The following INSL6 variants were observed in gnomAD, a reference collection of about 807,000 sequenced individuals.
The protein encoded by INSL6 is insulin like 6.
In INSL6, 16 loss-of-function variants were observed where a neutral mutation model predicts 9.4. The observed-to-expected ratio is 1.70, with a 90% CI of 1.15 to 2.59. The LOEUF (loss-of-function observed/expected upper bound fraction) is 2.59, where lower values mean the gene tolerates loss of function less well. Ranked by LOEUF, INSL6 falls within the 30% of genes most tolerant of loss-of-function variation. The pLI, the probability that INSL6 is intolerant of heterozygous loss-of-function variation, is 0.00. For missense variants in INSL6, 391 were observed against 257.3 expected (o/e 1.52, Z -3.56); for synonymous variants, 154 against 96.9 (o/e 1.59, Z -3.46).
At chr9:5,175,081 A>G (rs1329624905) in intron 1 of INSL6, among the ~76,000 whole-genome samples, 1 of 151,988 alleles carries the variant, frequency 6.6e-6, no homozygotes, top group African/African-American at 2.4e-5. Context: ...CTGGGACTAC[A>G]GGTGCCCACC....
rs1825323052 is a variant in INSL6, at chr9:5,176,981, C to T, written c.289+8333G>A. On this transcript the variant is annotated intron_variant, in intron 1 of 1. Coordinates refer to ENST00000381641, the MANE Select transcript of INSL6 (RefSeq NM_007179.3). ...TTAACCAATGATACTGTAAAAGTTT[C>T]CATAAAGAAAACTTTAAAATCATAA... Among the ~76,000 whole-genome samples, 9 of 152,096 alleles carry T rather than the reference C, an allele frequency of 5.9e-5. No individual in the cohort carries two copies. In the South Asian group the frequency reaches 1.9e-3, roughly 32 times the overall value.
chr9:5,088,168 C>CAG, the INSL6 span, among the ~76,000 whole-genome samples: 1,534 of 152,256 alleles, frequency 0.01, 17 homozygotes, highest in African/African-American at 0.035. Context: ...TCCGCGGTCA[C>CAG]AGAGAGAGCA....
chr9:5,003,701 T>A, the INSL6 span, among the ~76,000 whole-genome samples: 1 of 152,110 alleles, frequency 6.6e-6, no homozygotes, highest in Non-Finnish European at 1.5e-5. Flanking sequence ...TTATTTAGTT[T>A]TCTTGCCTTA....
intron 1 of INSL6, among the ~76,000 whole-genome samples, chr9:5,176,450 TC>T (rs1418044680): frequency 1.3e-5 from 2 of 152,322 alleles, no homozygotes; most frequent in Non-Finnish European, 2.9e-5. Flanking sequence ...ACTGACATAT[TC>T]CCAAGATTCT....
the INSL6 span, among the ~76,000 whole-genome samples, chr9:5,003,738 GT>G: frequency 6.6e-6 from 1 of 152,056 alleles, no homozygotes; most frequent in East Asian, 1.9e-4. Flanking sequence ...GTCCACTATG[GT>G]ATTGAATAGA....
Position 5,148,746 on chromosome 9 carries a change from G to A in INSL6, c.377-15154C>T, listed in dbSNP as rs1366765058. 2.6e-5 allele frequency among the ~76,000 whole-genome samples: 4 copies of A among 152,284 alleles called. No individual in the cohort carries two copies. The East Asian group carries it at 7.7e-4, about 29-fold the overall frequency. ...CCTGGGGCACCAGGACCTGCTCGTG[G>A]CTCCCTTTTCCAGACATTTGGGGTT... On this transcript the variant is annotated intron_variant, in intron 2 of 3. Transcript: ENST00000649639.
At chr9:5,141,176 G>A (rs1250800907) in intron 2 of INSL6, among the ~76,000 whole-genome samples, 1 of 152,060 alleles carries the variant, frequency 6.6e-6, no homozygotes, top group African/African-American at 2.4e-5. Context: ...ACATATGCAT[G>A]CGTCTTTATA....
intron 2 of INSL6, among the ~76,000 whole-genome samples, chr9:5,147,683 G>T (rs1824628306): frequency 1.3e-5 from 2 of 152,140 alleles, no homozygotes; most frequent in Admixed American, 1.3e-4. Flanking sequence ...TCTCTCTCAG[G>T]AATGCTGATG....
At chr9:5,114,238 T>G in the INSL6 span, 1 of 528,826 alleles carries the variant, frequency 1.9e-6, no homozygotes, top group South Asian at 1.7e-5. Context: ...ATCCGCAAGT[T>G]GCCCACAATC....
At chr9:5,173,088 A>C (rs545345904) in intron 1 of INSL6, among the ~76,000 whole-genome samples, 1 of 152,222 alleles carries the variant, frequency 6.6e-6, no homozygotes, top group Non-Finnish European at 1.5e-5. Context: ...CGACAGTCAG[A>C]ATAGCAATTA....
In INSL6 at chr9:5,185,630, G is replaced by C; in HGVS notation, c.-28C>G. 1 of 1,596,094 alleles carries C rather than the reference G, an allele frequency of 6.3e-7. No homozygotes were observed. The highest frequency in any genetic ancestry group is 2.3e-5 in the East Asian group (1 of 44,218). On this transcript the variant is annotated 5_prime_UTR_variant, in exon 1 of 2. Transcript: ENST00000381641. ...CTGTGACCCCAGGCTAGTCCTCCGC[G>C]TTGTGCAATGGCGGTCGGCCGGACC...
chr9:5,072,597 C>A, the INSL6 span: 1 of 1,608,472 alleles, frequency 6.2e-7, no homozygotes, highest in Non-Finnish European at 8.5e-7. Context: ...TTTAAAAGTT[C>A]TGGATAAAGC....
intron 2 of INSL6, among the ~76,000 whole-genome samples, chr9:5,157,655 G>C (rs934750129): frequency 6.6e-6 from 1 of 152,142 alleles, no homozygotes; most frequent in Non-Finnish European, 1.5e-5. Flanking sequence ...TAAGAAATTT[G>C]TAATAAGCTA....
At chr9:5,181,967 G>A (rs1051087056) in intron 1 of INSL6, among the ~76,000 whole-genome samples, 4 of 152,162 alleles carry the variant, frequency 2.6e-5, no homozygotes, top group Non-Finnish European at 5.9e-5. Flanking sequence ...GATTGGTGGT[G>A]CAACTATACA....
the INSL6 span, among the ~76,000 whole-genome samples, chr9:5,009,981 G>A: frequency 3.9e-5 from 6 of 152,070 alleles, no homozygotes; most frequent in Admixed American, 1.3e-4. Context: ...CAATGTTGCC[G>A]GGGCTAGTCT....
At chr9:5,149,657 G>T (rs10974983) in intron 2 of INSL6, among the ~76,000 whole-genome samples, 38,259 of 151,840 alleles carry the variant, frequency 0.25, 5,109 homozygotes, top group South Asian at 0.3. Context: ...TGACCATATT[G>T]CCCAAAGCAA....
the INSL6 span, among the ~76,000 whole-genome samples, chr9:5,027,629 C>T: frequency 6.6e-6 from 1 of 152,116 alleles, no homozygotes; most frequent in Non-Finnish European, 1.5e-5. Flanking sequence ...AGCATTTTAC[C>T]CGCAGTAGAA....
At chr9:5,033,089 C>T in the INSL6 span, among the ~76,000 whole-genome samples, 13 of 152,220 alleles carry the variant, frequency 8.5e-5, no homozygotes, top group Admixed American at 7.2e-4. Context: ...ACGAGAACTA[C>T]GTGATGAATG....
the INSL6 span, among the ~76,000 whole-genome samples, chr9:5,106,568 A>G: frequency 6.2e-4 from 94 of 152,370 alleles, no homozygotes; most frequent in Non-Finnish European, 8.7e-4. Flanking sequence ...CCAAAGGATT[A>G]TAAATCATGC....
Sources: allele counts gnomAD v4.1 joint callset (sites outside exome capture counted in the v4.1 genomes callset), GRCh38; gene constraint gnomAD v4.1.1; transcripts MANE v1.5; gene names NCBI Gene and HGNC (gene_info 2026-07-23, HGNC 2026-07-21).